Variants in LHFPL6 observed in about 807,000 individuals in gnomAD.
The protein encoded by LHFPL6 is LHFPL tetraspan subfamily member 6, also known as LHFPL tetraspan subfamily member 6 protein.
A neutral mutation model predicts 20.6 loss-of-function variants in LHFPL6; 9 were observed. That is an observed-to-expected ratio of 0.44 (90% CI 0.26 to 0.76). The LOEUF (loss-of-function observed/expected upper bound fraction) is 0.76, where lower values mean the gene tolerates loss of function less well. LHFPL6 is among the 30% of genes least tolerant of loss of function. The pLI is 0.20. For synonymous variants in LHFPL6, 105 were observed against 98.7 expected, an observed-to-expected ratio of 1.06 and a Z score of -0.38; for missense variants, 218 against 253.5, an observed-to-expected ratio of 0.86 and a Z score of 0.95.
chr13:39,515,416 G>A (rs893657989), intron 2 of LHFPL6, among the ~76,000 whole-genome samples: 1 of 152,220 alleles, frequency 6.6e-6, no homozygotes, highest in East Asian at 1.9e-4. Flanking sequence ...CAAACACGCT[G>A]CACCAAATTG....
intron 2 of LHFPL6, among the ~76,000 whole-genome samples, chr13:39,433,802 C>A (rs1871879018): frequency 6.6e-6 from 1 of 152,180 alleles, no homozygotes; most frequent in Non-Finnish European, 1.5e-5. Flanking sequence ...GAATTCCTAT[C>A]CATCCCACCC....
At chr13:39,557,788 G>A (rs965713416) in intron 2 of LHFPL6, among the ~76,000 whole-genome samples, 1 of 152,234 alleles carries the variant, frequency 6.6e-6, no homozygotes, top group African/African-American at 2.4e-5. Flanking sequence ...CTCTCTGACA[G>A]GTGTTGCTCC....
intron 3 of LHFPL6, among the ~76,000 whole-genome samples, chr13:39,347,372 T>C (rs954676520): frequency 6.6e-6 from 1 of 151,994 alleles, no homozygotes; most frequent in African/African-American, 2.4e-5. Context: ...AAAGGCAAGG[T>C]AAAAGAAAAG....
chr13:39,413,277 G>A (rs1386031699), intron 2 of LHFPL6, among the ~76,000 whole-genome samples: 1 of 152,158 alleles, frequency 6.6e-6, no homozygotes, highest in African/African-American at 2.4e-5. Context: ...AATATTTTAT[G>A]CCAATTCTTC....
intron 2 of LHFPL6, among the ~76,000 whole-genome samples, chr13:39,556,453 T>C (rs892018664): frequency 2.0e-5 from 3 of 152,184 alleles, no homozygotes; most frequent in Admixed American, 1.3e-4. Flanking sequence ...ACTAGAGTAA[T>C]GGTCACCCCT....
intron 2 of LHFPL6, among the ~76,000 whole-genome samples, chr13:39,553,155 AT>A (rs1198856706): frequency 6.6e-6 from 1 of 152,238 alleles, no homozygotes; most frequent in South Asian, 2.1e-4. Flanking sequence ...AAAATCATTC[AT>A]TTTAGTCTTC....
chr13:39,495,889 G>A (rs894101593), intron 2 of LHFPL6, among the ~76,000 whole-genome samples: 2 of 150,614 alleles, frequency 1.3e-5, no homozygotes, highest in East Asian at 2.0e-4. Flanking sequence ...GGAATTCAAG[G>A]GCCTGGGCTT....
At chr13:39,406,761 G>C (rs1406648562) in intron 2 of LHFPL6, among the ~76,000 whole-genome samples, 2 of 152,162 alleles carry the variant, frequency 1.3e-5, no homozygotes. Flanking sequence ...TTAATATTAT[G>C]GGGTGATTCT....
chr13:39,377,527 A>T (rs1273063064), intron 3 of LHFPL6, among the ~76,000 whole-genome samples: 1 of 152,232 alleles, frequency 6.6e-6, no homozygotes, highest in Non-Finnish European at 1.5e-5. Flanking sequence ...CATGTCTTAA[A>T]ACAACAGATA....
chr13:39,436,734 C>A (rs961151888), intron 2 of LHFPL6, among the ~76,000 whole-genome samples: 5 of 152,224 alleles, frequency 3.3e-5, no homozygotes, highest in Non-Finnish European at 7.3e-5. Flanking sequence ...TGTGGTCACA[C>A]CTGTTGCAGG....
chr13:39,474,922 C>T (rs988614558), intron 2 of LHFPL6, among the ~76,000 whole-genome samples: 3 of 152,252 alleles, frequency 2.0e-5, no homozygotes, highest in South Asian at 2.1e-4. Flanking sequence ...ACTGATTCTT[C>T]AAAGAAGGAT....
intron 3 of LHFPL6, among the ~76,000 whole-genome samples, chr13:39,347,997 A>T (rs1475247169): frequency 1.3e-5 from 2 of 152,264 alleles, no homozygotes; most frequent in East Asian, 3.8e-4. Flanking sequence ...GAGGCTAATT[A>T]TTTGAAAACA....
intron 2 of LHFPL6, among the ~76,000 whole-genome samples, chr13:39,497,406 G>A (rs544724779): frequency 2.6e-5 from 4 of 152,124 alleles, no homozygotes; most frequent in African/African-American, 4.8e-5. Flanking sequence ...CAGAGAGAAC[G>A]CTCCTATTTA....
chr13:39,562,607 C>CATATATACACATATATACACACAT (rs1566142234), intron 2 of LHFPL6, among the ~76,000 whole-genome samples: 3 of 29,944 alleles, frequency 1.0e-4, no homozygotes, highest in Middle Eastern at 0.025. Context: ...TACACATATA[C>CATATATACACATATATACACACAT]ATATATACAC....
intron 2 of LHFPL6, among the ~76,000 whole-genome samples, chr13:39,491,332 G>T (rs538557795): frequency 6.6e-6 from 1 of 152,288 alleles, no homozygotes; most frequent in African/African-American, 2.4e-5. Context: ...TCGCGTAAGG[G>T]ATAACTCAGA....
chr13:39,453,270 G>T (rs1872495215), intron 2 of LHFPL6, among the ~76,000 whole-genome samples: 2 of 152,144 alleles, frequency 1.3e-5, no homozygotes, highest in East Asian at 1.9e-4. Context: ...AATAAAATAA[G>T]CAACATTTCA....
At chr13:39,393,071 A>G (rs191452709) in intron 2 of LHFPL6, among the ~76,000 whole-genome samples, 1 of 152,344 alleles carries the variant, frequency 6.6e-6, no homozygotes, top group Admixed American at 6.5e-5. Flanking sequence ...GGAAATGTGC[A>G]TAGGTTATAT....
chr13:39,394,829 A>G (rs992742043), intron 2 of LHFPL6, among the ~76,000 whole-genome samples: 1 of 152,188 alleles, frequency 6.6e-6, no homozygotes, highest in African/African-American at 2.4e-5. Context: ...ACAGTTAGTA[A>G]AAGAATCAGA....
intron 2 of LHFPL6, among the ~76,000 whole-genome samples, chr13:39,444,081 C>T (rs1872218586): frequency 6.6e-6 from 1 of 152,166 alleles, no homozygotes. Flanking sequence ...CCTAGTTATA[C>T]AGTTGTAAAG....
Sources: gnomAD v4.1 joint callset for allele counts (sites outside exome capture counted in the v4.1 genomes callset) on GRCh38, gnomAD v4.1.1 for gene constraint, MANE v1.5 for transcripts, NCBI Gene and HGNC (gene_info 2026-07-23, HGNC 2026-07-21) for gene names.